Variants in ADA2 observed in about 807,000 individuals in gnomAD.
ADA2 encodes the protein adenosine deaminase CECR1.
A neutral mutation model predicts 44.2 loss-of-function variants in ADA2; 29 were observed. That is an observed-to-expected ratio of 0.66 (90% CI 0.49 to 0.89). The LOEUF (loss-of-function observed/expected upper bound fraction) is 0.89. Among genes scored for constraint, ADA2 ranks in the 40% least tolerant of loss-of-function variants. The pLI is 0.00. For synonymous variants in ADA2, 215 were observed against 234.9 expected, an observed-to-expected ratio of 0.92 and a Z score of 0.77; for missense variants, 637 against 644.8, an observed-to-expected ratio of 0.99 and a Z score of 0.13.
Position 17,189,936 on chromosome 22 carries a change from G to C in ADA2, c.972+6C>G, listed in dbSNP as rs764925030. The C allele has an allele frequency of 1.2e-6, 2 of 1,606,514 alleles. No individual in the cohort carries two copies. The highest frequency in any genetic ancestry group is 1.7e-6 in the Non-Finnish European group (2 of 1,173,172). ...AGGCAGCCCTTCTGTTCACAGCATG[G>C]GTTACCAGGTCAAACCCTGCCACCA... On this transcript the variant is annotated splice_donor_region_variant and intron_variant, in intron 6 of 9. Coordinates refer to ENST00000399837, the MANE Select transcript of ADA2 (RefSeq NM_001282225.2).
chr22:17,219,661 G>GATTTTTTTTTTTTTTTTTTTTTTTTT (rs1178590006), upstream of ADA2: 4 of 125,660 alleles, frequency 3.2e-5, 1 homozygote, highest in South Asian at 4.9e-4. Context: ...TGCATGTGGG[G>GATTTTTTTTTTTTTTTTTTTTTTTTT]TTTGTTTTTT....
chr22:17,184,413 G>A (rs1323939447), intron 7 of ADA2, among the ~76,000 whole-genome samples: 1 of 152,112 alleles, frequency 6.6e-6, no homozygotes, highest in African/African-American at 2.4e-5. Context: ...CCTGATAAAA[G>A]GGGATCCACT....
At chr22:17,189,870 G>C in intron 6 of ADA2, 72 bp downstream of exon 6, 1 of 1,113,544 alleles carries the variant, frequency 9.0e-7, no homozygotes, top group Non-Finnish European at 1.4e-6. Context: ...CCAGGGAGTT[G>C]CCGCTCCACC....
chr22:17,208,540 C>G (rs2062380732), intron 2 of ADA2, among the ~76,000 whole-genome samples: 1 of 151,712 alleles, frequency 6.6e-6, no homozygotes, highest in South Asian at 2.1e-4. Flanking sequence ...CAGTGGCTCA[C>G]ACCTGTAATC....
Position 17,207,161 on chromosome 22 carries a change from G to T in ADA2, c.452C>A (p.Pro151Gln). 1 of 1,614,238 alleles carries T rather than the reference G, an allele frequency of 6.2e-7. No homozygotes were observed. Residue 151 changes from proline to glutamine, a missense_variant, in exon 3 of 10, where the codon CCA becomes CAA. Coordinates refer to ENST00000399837, the MANE Select transcript of ADA2 (RefSeq NM_001282225.2). ...ACATTTTTCTGATGGACGGGGAGTT[G>T]GGTGAGCAAATCTGAACTGCATGAT... ...RGIMQFRFAH[P>Q]TPRPSEKCSK...
At chr22:17,218,269 A>T (rs534747054) in intron 1 of ADA2, among the ~76,000 whole-genome samples, 44 of 152,334 alleles carry the variant, frequency 2.9e-4, no homozygotes, top group East Asian at 1.2e-3. Flanking sequence ...CTACTCATTA[A>T]ATCATTTTAA....
At chr22:17,203,800 G>A (rs1183693295) in intron 3 of ADA2, 27 bp from the exon 4 acceptor site, 31 of 1,539,024 alleles carry the variant, frequency 2.0e-5, no homozygotes, top group Non-Finnish European at 2.8e-5. Context: ...GTGGGGAGTG[G>A]CAGAGGCATG....
intron 4 of ADA2, among the ~76,000 whole-genome samples, chr22:17,196,493 C>T (rs2062192771): frequency 6.6e-6 from 1 of 152,108 alleles, no homozygotes; most frequent in African/African-American, 2.4e-5. Flanking sequence ...ACCCAACCCA[C>T]AATTGTTACC....
At chr22:17,219,459 T>A (rs143060347), upstream of ADA2, 1,006 of 152,146 alleles carry the variant, frequency 6.6e-3, 8 homozygotes, top group Non-Finnish European at 9.8e-3. Flanking sequence ...TTGGGGTAGG[T>A]TTTATTTCCC....
chr22:17,201,873 T>G (rs1024184664), intron 4 of ADA2, among the ~76,000 whole-genome samples: 13 of 152,154 alleles, frequency 8.5e-5, no homozygotes, highest in Non-Finnish European at 1.8e-4. Flanking sequence ...CAGATTTTTT[T>G]GATGATGCTC....
Position 17,182,663 on chromosome 22 carries a change from C to T in ADA2, c.1180G>A (p.Val394Ile). 1.9e-6 allele frequency: 3 copies of T among 1,614,142 alleles called. No homozygotes were observed. Among genetic ancestry groups the T allele is most frequent in the Non-Finnish European group, 1.7e-6 (2 of 1,180,044 alleles). Residue 394 changes from valine to isoleucine, a missense_variant, in exon 8 of 10, where the codon GTC (valine) becomes ATC (isoleucine). Transcript: ENST00000399837. ...TCCTTTTTCCAGGAGTAAGTCCTGA[C>T]TGCGGGGTGTTTGCTCAAAGCAAAT... Reference protein sequence around the residue: ...HGFALSKHPAVRTYSWKKDIP... With the variant: ...HGFALSKHPAIRTYSWKKDIP...
At chr22:17,191,583 G>A (rs538350931) in intron 5 of ADA2, 100 bp downstream of exon 5, 120 of 1,317,434 alleles carry the variant, frequency 9.1e-5, no homozygotes, top group Non-Finnish European at 1.1e-4. Context: ...GGCCTCTCCC[G>A]GCCTCCCAGC....
At chr22:17,201,448 G>A (rs1373815181) in intron 4 of ADA2, among the ~76,000 whole-genome samples, 1 of 152,124 alleles carries the variant, frequency 6.6e-6, no homozygotes, top group Non-Finnish European at 1.5e-5. Flanking sequence ...CACCATGTGG[G>A]CCTTTCCACA....
intron 1 of ADA2, among the ~76,000 whole-genome samples, chr22:17,216,715 G>A (rs5748951): frequency 0.42 from 62,583 of 148,784 alleles, 13,847 homozygotes; most frequent in East Asian, 0.76. Flanking sequence ...AGCCGAGTTC[G>A]TGCCACTGCA....
chr22:17,181,656 G>T, intron 9 of ADA2, 80 bp from the exon 10 acceptor site: 2 of 1,120,318 alleles, frequency 1.8e-6, no homozygotes, highest in Non-Finnish European at 1.4e-6. Flanking sequence ...GGACATTAGA[G>T]CCTTGCAGAG....
intron 2 of ADA2, 147 bp from the exon 3 acceptor site, chr22:17,207,437 G>A (rs1288629854): frequency 1.7e-5 from 10 of 589,274 alleles, no homozygotes; most frequent in East Asian, 2.8e-5. Context: ...CCAGGGCTCC[G>A]GGGCTTGGGG....
At chr22:17,204,606 C>T (rs2062331708) in intron 3 of ADA2, among the ~76,000 whole-genome samples, 1 of 145,774 alleles carries the variant, frequency 6.9e-6, no homozygotes, top group South Asian at 2.2e-4. Context: ...CAAGACTCAT[C>T]TCAAAAAAAA....
intron 8 of ADA2, 123 bp downstream of exon 8, chr22:17,182,481 G>C (rs1601421342): frequency 1.0e-6 from 1 of 969,170 alleles, no homozygotes; most frequent in Non-Finnish European, 1.6e-6. Flanking sequence ...AGGGGTAGGA[G>C]AGTGGAGGGA....
intron 1 of ADA2, chr22:17,213,427 T>C (rs2062437480): frequency 5.4e-6 from 1 of 185,778 alleles, no homozygotes; most frequent in Non-Finnish European, 1.1e-5. Context: ...AGCAAAGTTA[T>C]GGAAACAACC....
Sources: allele counts gnomAD v4.1 joint callset (sites outside exome capture counted in the v4.1 genomes callset), GRCh38; gene constraint gnomAD v4.1.1; transcripts MANE v1.5; gene names NCBI Gene and HGNC (gene_info 2026-07-23, HGNC 2026-07-21).